USH2A: variants seen among roughly 807,000 people sequenced by gnomAD.
USH2A encodes the protein Usher syndrome 2A (autosomal recessive, mild).
Under a neutral mutation model 538.9 loss-of-function variants are expected in USH2A, and 443 were observed. The ratio of observed to expected loss-of-function variants is 0.82; its 90% CI spans 0.76 to 0.89. The LOEUF (loss-of-function observed/expected upper bound fraction) is 0.89, where lower values mean the gene tolerates loss of function less well. Ranked by LOEUF, USH2A falls within the 40% of genes least tolerant of loss-of-function variation. The pLI is 0.00. For missense variants in USH2A, 6,633 were observed against 6,324.8 expected, an observed-to-expected ratio of 1.05 and a Z score of -1.65; for synonymous variants, 2,413 against 2,273.5, an observed-to-expected ratio of 1.06 and a Z score of -1.75.
intron 3 of USH2A, among the ~76,000 whole-genome samples, chr1:216,368,584 C>A (rs917475384): frequency 3.3e-5 from 5 of 152,150 alleles, no homozygotes; most frequent in African/African-American, 1.2e-4. Context: ...GCCCTATGAG[C>A]TACACCAACA....
chr1:215,913,083 G>A (rs903430461), intron 38 of USH2A, among the ~76,000 whole-genome samples: 4 of 152,096 alleles, frequency 2.6e-5, no homozygotes, highest in Non-Finnish European at 5.9e-5. Context: ...TGGAAATACA[G>A]AAAGATTAAA....
intron 9 of USH2A, among the ~76,000 whole-genome samples, chr1:216,295,738 T>G (rs573354893): frequency 6.6e-6 from 1 of 151,910 alleles, no homozygotes; most frequent in Non-Finnish European, 1.5e-5. Context: ...ATCAGGGGAG[T>G]CAAACCATGT....
chr1:216,277,855 A>T (rs538342436), intron 11 of USH2A, among the ~76,000 whole-genome samples: 3 of 152,258 alleles, frequency 2.0e-5, no homozygotes, highest in African/African-American at 7.2e-5. Flanking sequence ...AGGCATATCC[A>T]GGCAATGGAA....
At chr1:216,102,615 C>T (rs768742892) in intron 21 of USH2A, among the ~76,000 whole-genome samples, 4 of 151,808 alleles carry the variant, frequency 2.6e-5, no homozygotes, top group African/African-American at 7.3e-5. Flanking sequence ...CTGGATAACA[C>T]GGCGAAACCT....
At chr1:215,845,196 T>C (rs1337072715) in intron 45 of USH2A, among the ~76,000 whole-genome samples, 1 of 152,174 alleles carries the variant, frequency 6.6e-6, no homozygotes, top group Non-Finnish European at 1.5e-5. Flanking sequence ...TGCCGACCTT[T>C]GGCACCACAA....
intron 38 of USH2A, among the ~76,000 whole-genome samples, chr1:215,915,787 C>T (rs971933261): frequency 6.6e-5 from 10 of 151,588 alleles, no homozygotes; most frequent in Non-Finnish European, 1.5e-5. Flanking sequence ...GGAACCAACC[C>T]AAATGTCCAA....
At chr1:215,879,710 T>A (rs1664860594) in intron 41 of USH2A, among the ~76,000 whole-genome samples, 1 of 152,220 alleles carries the variant, frequency 6.6e-6, no homozygotes, top group South Asian at 2.1e-4. Context: ...AAGCCAAAGA[T>A]GTTTGTGCTT....
At chr1:216,115,435 G>A (rs1448753620) in intron 21 of USH2A, among the ~76,000 whole-genome samples, 1 of 152,190 alleles carries the variant, frequency 6.6e-6, no homozygotes, top group African/African-American at 2.4e-5. Flanking sequence ...GTAAGCCATT[G>A]TGCTGGGCAC....
chr1:216,176,872 C>A (rs765364450), intron 20 of USH2A, among the ~76,000 whole-genome samples: 7 of 152,142 alleles, frequency 4.6e-5, no homozygotes, highest in Non-Finnish European at 1.0e-4. Context: ...TCATCATTTG[C>A]TAGCTCATTT....
Position 216,078,228 on chromosome 1 carries a change from G to A in USH2A, c.5433C>T (p.Phe1811=), listed in dbSNP as rs576132012. Residue 1811 remains phenylalanine (F), a synonymous_variant, in exon 27 of 72, where the codon TTC becomes TTT. Coordinates refer to ENST00000307340, the MANE Select transcript of USH2A (RefSeq NM_206933.4). ...NKVIIKKEGS[F]ISASVNGLMK... Reference sequence around the variant, plus strand: ...TCAGTCCATTCACACTTGCTGATATGAAAGAGCCTTCCTTTTTAATAATGA... The same window carrying A: ...TCAGTCCATTCACACTTGCTGATATAAAAGAGCCTTCCTTTTTAATAATGA... 4 of 1,613,762 alleles carry A rather than the reference G, an allele frequency of 2.5e-6. No homozygotes were observed. The South Asian group carries it at 3.3e-5, about 13-fold the overall frequency.
rs115003755 is a variant in USH2A, at chr1:216,127,152, C to T, written c.4628-29939G>A. Among the ~76,000 whole-genome samples, 1,285 of 152,286 alleles carry T rather than the reference C, an allele frequency of 8.4e-3. 20 individuals are homozygous for T. Among genetic ancestry groups the T allele is most frequent in the African/African-American group, 0.03 (1,253 of 41,552 alleles). On this transcript the variant is annotated intron_variant, in intron 21 of 71. Transcript: ENST00000307340. The stretch of plus-strand genomic sequence containing the variant: ...ACTTTCTGAGAAGTTTTGGAAGTCA[C>T]AGCATTGCACTAATAGTATATGCCA...
chr1:216,154,810 T>C (rs2033905783), intron 21 of USH2A, among the ~76,000 whole-genome samples: 1 of 152,222 alleles, frequency 6.6e-6, no homozygotes. Flanking sequence ...TACCACATTT[T>C]ATTAATCAAT....
Position 216,199,930 on chromosome 1 carries a change from T to C in USH2A, c.3508A>G (p.Thr1170Ala). The C allele has an allele frequency of 6.2e-7, 1 of 1,614,082 alleles. No individual in the cohort carries two copies. Among genetic ancestry groups the C allele is most frequent in the Admixed American group, 1.7e-5 (1 of 60,008 alleles). ...IGSDSVTLTW[T>A]TLSNQSGPIE... is the part of the protein sequence containing the mutation. ...GGACCAGATTGATTTGAGAGTGTTG[T>C]CCAGGTAAGTGTCACAGAGTCTGAG... The change falls in exon 17 of 72, where the codon ACA (threonine) becomes GCA (alanine). Residue 1170 changes from threonine to alanine, a missense_variant. Coordinates refer to ENST00000307340, the MANE Select transcript of USH2A (RefSeq NM_206933.4).
chr1:216,007,391 A>T (rs1386607531), intron 32 of USH2A, among the ~76,000 whole-genome samples: 2 of 152,144 alleles, frequency 1.3e-5, no homozygotes, highest in Non-Finnish European at 2.9e-5. Context: ...TGACTGAGGG[A>T]ACAGAGAAGG....
At chr1:215,736,045 T>G (rs557779549) in intron 60 of USH2A, among the ~76,000 whole-genome samples, 68 of 152,242 alleles carry the variant, frequency 4.5e-4, no homozygotes, top group African/African-American at 1.6e-3. Context: ...GTCATATAAC[T>G]AGTAAGTGTT....
At chr1:215,956,141 T>C (rs1027002078) in intron 37 of USH2A, among the ~76,000 whole-genome samples, 3 of 152,174 alleles carry the variant, frequency 2.0e-5, no homozygotes, top group East Asian at 1.9e-4. Flanking sequence ...ATATGTTCAG[T>C]CTACCAAAAT....
intron 43 of USH2A, among the ~76,000 whole-genome samples, chr1:215,870,785 T>C (rs1001770608): frequency 2.6e-5 from 4 of 152,162 alleles, no homozygotes; most frequent in Non-Finnish European, 5.9e-5. Context: ...CCATTCACTC[T>C]ATGTATACTG....
intron 35 of USH2A, among the ~76,000 whole-genome samples, chr1:215,984,596 A>G (rs949140958): frequency 4.6e-5 from 7 of 152,202 alleles, no homozygotes; most frequent in African/African-American, 1.2e-4. Flanking sequence ...GTCAAATTGT[A>G]TTTCCTAAGG....
At chr1:215,736,545 G>A (rs1660159537) in intron 60 of USH2A, among the ~76,000 whole-genome samples, 1 of 151,844 alleles carries the variant, frequency 6.6e-6, no homozygotes, top group African/African-American at 2.4e-5. Context: ...TCCATATTTA[G>A]AAATAAGGAG....
Sources: gnomAD v4.1 joint callset for allele counts (sites outside exome capture counted in the v4.1 genomes callset) on GRCh38, gnomAD v4.1.1 for gene constraint, MANE v1.5 for transcripts, NCBI Gene and HGNC (gene_info 2026-07-23, HGNC 2026-07-21) for gene names.